Variants in MAML3 observed in about 807,000 individuals in gnomAD.
MAML3 encodes mastermind-like protein 3.
MAML3 carries 27 observed loss-of-function variants against 101.9 expected under a neutral mutation model. The ratio of observed to expected loss-of-function variants is 0.27; its 90% CI spans 0.20 to 0.37. The LOEUF is 0.37. Ranked by LOEUF, MAML3 falls within the 10% of genes least tolerant of loss-of-function variation. The pLI is 1.00. For missense variants in MAML3, 1,316 were observed against 1,444.9 expected, an observed-to-expected ratio of 0.91 and a Z score of 1.45; for synonymous variants, 501 against 555.9, an observed-to-expected ratio of 0.90 and a Z score of 1.39.
intron 1 of MAML3, among the ~76,000 whole-genome samples, chr4:139,913,342 T>A (rs972479947): frequency 6.6e-6 from 1 of 152,210 alleles, no homozygotes; most frequent in South Asian, 2.1e-4. Flanking sequence ...TGGATTATAA[T>A]CCTAAGTATG....
chr4:139,995,307 G>A (rs1606031), intron 1 of MAML3, among the ~76,000 whole-genome samples: 22,465 of 152,078 alleles, frequency 0.15, 1,853 homozygotes, highest in South Asian at 0.28. Context: ...CTAATATTTT[G>A]TTAAGGATTT....
At chr4:140,029,233 T>C (rs565772003) in intron 1 of MAML3, among the ~76,000 whole-genome samples, 3 of 152,336 alleles carry the variant, frequency 2.0e-5, no homozygotes, top group Admixed American at 1.3e-4. Context: ...ATGATCCCTA[T>C]TGGTGAGTTT....
intron 1 of MAML3, among the ~76,000 whole-genome samples, chr4:139,948,182 TACAAA>T (rs1216489990): frequency 6.6e-6 from 1 of 151,960 alleles, no homozygotes. Flanking sequence ...CGTGGAAATA[TACAAA>T]ACAAAAGTCT....
rs143149591 is a variant in MAML3 at position 140,112,213 on chromosome 4, C to T, written c.468+40647G>A. ...CCATATTTATTTTGATGGTTAAATT[C>T]TCCCAATTAGTCCAGTGGGAGCCCA... On this transcript the variant is annotated intron_variant, in intron 1 of 4. Coordinates refer to ENST00000509479, the MANE Select transcript of MAML3 (RefSeq NM_018717.5). Among the ~76,000 whole-genome samples, 260 of 151,916 alleles carry T rather than the reference C, an allele frequency of 1.7e-3. 9 individuals carry two copies. In the East Asian group the frequency reaches 0.026, roughly 15 times the overall value.
Position 139,719,792 on chromosome 4 carries a change from T to C in MAML3, c.2948A>G (p.Asn983Ser). Residue 983 changes from asparagine (N) to serine (S), a missense_variant, in exon 5 of 5, where the codon AAC (asparagine) becomes AGC (serine). Coordinates refer to ENST00000509479, the MANE Select transcript of MAML3 (RefSeq NM_018717.5). ...TTGAAGAGGGTAGCTGGCGCCATTG[T>C]TGAATGGTCCCAATTCTCCACTAGT... Reference protein sequence around the residue: ...GRTSGELGPFNNGASYPLQAG... With the variant: ...GRTSGELGPFSNGASYPLQAG... The C allele has an allele frequency of 1.9e-6, 3 of 1,613,636 alleles. No homozygotes were observed. In the East Asian group the frequency reaches 6.7e-5, roughly 36 times the overall value.
chr4:140,003,071 ACTT>A (rs1726356633), intron 1 of MAML3, among the ~76,000 whole-genome samples: 1 of 152,196 alleles, frequency 6.6e-6, no homozygotes, highest in Non-Finnish European at 1.5e-5. Context: ...TCAATTTACC[ACTT>A]CTTTCTCAAA....
chr4:140,025,330 CA>C (rs1384100867), intron 1 of MAML3, among the ~76,000 whole-genome samples: 4 of 151,842 alleles, frequency 2.6e-5, no homozygotes, highest in Admixed American at 2.6e-4. Context: ...TTTACTTTGA[CA>C]AAAAAGAGGG....
At chr4:139,763,999 G>T (rs1189934918) in intron 2 of MAML3, among the ~76,000 whole-genome samples, 1 of 152,200 alleles carries the variant, frequency 6.6e-6, no homozygotes, top group Non-Finnish European at 1.5e-5. Flanking sequence ...GGGGTAGAGG[G>T]TAGGCTCTGA....
At chr4:140,100,580 C>G (rs1036608161) in intron 1 of MAML3, among the ~76,000 whole-genome samples, 1 of 151,960 alleles carries the variant, frequency 6.6e-6, no homozygotes, top group Non-Finnish European at 1.5e-5. Context: ...ACGGAGCAAG[C>G]CATTCCCAAA....
intron 1 of MAML3, among the ~76,000 whole-genome samples, chr4:140,128,862 T>C (rs1300841038): frequency 1.3e-5 from 2 of 151,690 alleles, no homozygotes; most frequent in Non-Finnish European, 2.9e-5. Flanking sequence ...AGGCAGGGAG[T>C]AAATGGAACA....
Position 139,719,999 on chromosome 4 carries a change from C to A in MAML3, c.2741G>T (p.Gly914Val), listed in dbSNP as rs1431484356. The A allele has an allele frequency of 6.2e-7, 1 of 1,614,094 alleles. No individual in the cohort carries two copies. The highest frequency in any genetic ancestry group is 1.3e-5 in the African/African-American group (1 of 75,080). The change falls in exon 5 of 5, where the codon GGC becomes GTC. Residue 914 changes from glycine to valine, a missense_variant. Physicochemically the swap from Gly to Val is moderately radical, Grantham distance 109 (BLOSUM62 -3). Coordinates refer to ENST00000509479, the MANE Select transcript of MAML3 (RefSeq NM_018717.5). ...GTTCACCAGCATGCTCTGACCAAAG[C>A]CACTCACCATTCCAACCCCCTGCCC... ...ASGQGVGMVS[G>V]FGQSMLVNSA...
At position 139,881,117 on chromosome 4, in the gene MAML3, G is replaced by A. The variant is rs1042612811; in HGVS notation, c.2079+8240C>T. Among the ~76,000 whole-genome samples the A allele has an allele frequency of 3.3e-5, 5 of 152,168 alleles. No homozygotes were observed. The East Asian group carries it at 9.6e-4, about 29-fold the overall frequency. On this transcript the variant is annotated intron_variant, in intron 2 of 4. Transcript: ENST00000509479. ...TTAGGAACCAGAGGCACCTCTGAAT[G>A]CCAGGGTAGATGGGAGTGCAAAAAG...
intron 1 of MAML3, among the ~76,000 whole-genome samples, chr4:139,938,888 C>T (rs1325357194): frequency 6.6e-6 from 1 of 152,170 alleles, no homozygotes; most frequent in East Asian, 1.9e-4. Context: ...ATTAATGCAA[C>T]GTGTGGTAAT....
chr4:139,836,307 C>T lies in MAML3; in HGVS notation c.2079+53050G>A, dbSNP rs149902688. 4.8e-3 allele frequency among the ~76,000 whole-genome samples: 725 copies of T among 152,270 alleles called. 3 individuals are homozygous for T. Among genetic ancestry groups the T allele is most frequent in the African/African-American group, 0.015 (626 of 41,542 alleles). ...CCTCAATCAATTTGTCTGTTTCACC[C>T]GCCTATCGTCTGCCAGCTCATCAGT... is the stretch of plus-strand genomic sequence containing the variant. On this transcript the variant is annotated intron_variant, in intron 2 of 4. Coordinates refer to ENST00000509479, the MANE Select transcript of MAML3 (RefSeq NM_018717.5).
rs1349542792 is a variant in MAML3, at chr4:140,036,555, C to T, written c.468+116305G>A. ...CTTTGATGGCTCAGTGTAGACTGTA[C>T]GGTGTGCCAGAGAGTCCAAGCACAG... On this transcript the variant is annotated intron_variant, in intron 1 of 4. Coordinates refer to ENST00000509479, the MANE Select transcript of MAML3 (RefSeq NM_018717.5). Among the ~76,000 whole-genome samples the T allele has an allele frequency of 2.6e-5, 4 of 152,024 alleles. No homozygotes were observed. In the South Asian group the frequency reaches 6.2e-4, roughly 24 times the overall value.
chr4:139,748,143 C>T (rs1729386461), intron 2 of MAML3, among the ~76,000 whole-genome samples: 1 of 151,964 alleles, frequency 6.6e-6, no homozygotes, highest in African/African-American at 2.4e-5. Flanking sequence ...AGGAACACTG[C>T]CCATGGTATA....
chr4:139,774,661 G>A (rs1001737421), intron 2 of MAML3, among the ~76,000 whole-genome samples: 10 of 152,164 alleles, frequency 6.6e-5, no homozygotes, highest in African/African-American at 1.2e-4. Flanking sequence ...AAAAATTGAC[G>A]GAGGGGAGGA....
intron 1 of MAML3, among the ~76,000 whole-genome samples, chr4:140,058,081 T>G (rs994122853): frequency 3.3e-5 from 5 of 152,124 alleles, no homozygotes; most frequent in African/African-American, 1.2e-4. Flanking sequence ...AAAAATGGAA[T>G]GTAGATTACT....
At chr4:140,042,367 C>T (rs1727099469) in intron 1 of MAML3, among the ~76,000 whole-genome samples, 1 of 152,076 alleles carries the variant, frequency 6.6e-6, no homozygotes, top group Non-Finnish European at 1.5e-5. Flanking sequence ...TGAGGGAGAG[C>T]CTCACGCCTG....
Sources: gnomAD v4.1 joint callset for allele counts (sites outside exome capture counted in the v4.1 genomes callset) on GRCh38, gnomAD v4.1.1 for gene constraint, MANE v1.5 for transcripts, NCBI Gene and HGNC (gene_info 2026-07-23, HGNC 2026-07-21) for gene names.